Variants in LAMTOR5 observed in about 807,000 individuals in gnomAD.
LAMTOR5 encodes the protein late endosomal/lysosomal adaptor, MAPK and MTOR activator 5.
LAMTOR5 carries 8 observed loss-of-function variants against 12.1 expected under a neutral mutation model. That is an observed-to-expected ratio of 0.66 (90% CI 0.39 to 1.19). The LOEUF (loss-of-function observed/expected upper bound fraction) is 1.19. LAMTOR5 is among the 50% of genes most tolerant of loss of function. The probability of loss-of-function intolerance (pLI) is 0.01; values close to 1 mark genes in which losing one functional copy is unlikely to be tolerated. For missense variants in LAMTOR5, 110 were observed against 112.8 expected (o/e 0.97, Z 0.11); for synonymous variants, 37 against 41.9 (o/e 0.88, Z 0.45).
At chr1:110,407,100 C>T in intron 1 of LAMTOR5, 1 of 663,552 alleles carries the variant, frequency 1.5e-6, no homozygotes, top group Non-Finnish European at 2.7e-6. Flanking sequence ...ACCCTTTACA[C>T]TTTTCCAGTT....
rs374808218 is a variant in LAMTOR5 at position 110,405,673 on chromosome 1, A to G, written c.97+645T>C. The stretch of plus-strand genomic sequence containing the variant: ...ACCTCACTGGGTTGTTATGAGGAAT[A>G]AAAGAGTATATGTAAAGCACTTACA... On this transcript the variant is annotated intron_variant, in intron 2 of 3. Transcript: ENST00000602318. Among the ~76,000 whole-genome samples, 29 of 152,298 alleles carry G rather than the reference A, an allele frequency of 1.9e-4. No homozygotes were observed. In the East Asian group the frequency reaches 4.8e-3, roughly 25 times the overall value.
At chr1:110,403,781 C>A in intron 3 of LAMTOR5, 138 bp downstream of exon 3, 1 of 1,349,260 alleles carries the variant, frequency 7.4e-7, no homozygotes, top group East Asian at 2.5e-5. Flanking sequence ...CTTGTCTGTT[C>A]CTGTGATTCA....
In LAMTOR5 at chr1:110,407,631, G is replaced by A. The variant is rs1663362782; in HGVS notation, c.-11C>T. 12 of 1,613,998 alleles carry A rather than the reference G, an allele frequency of 7.4e-6. No homozygotes were observed. The highest frequency in any genetic ancestry group is 1.3e-5 in the African/African-American group (1 of 74,902). On this transcript the variant is annotated 5_prime_UTR_variant, in exon 1 of 4. Transcript: ENST00000602318. ...CAAGGTCGCCTCCATCCCACCCACCGACCACTCCGGCTCAGAACCCAGCGG... is the reference window on the plus strand; with the variant it reads ...CAAGGTCGCCTCCATCCCACCCACCAACCACTCCGGCTCAGAACCCAGCGG...
At position 110,407,640 on chromosome 1, in the gene LAMTOR5, G is replaced by C. The variant is rs756993252; in HGVS notation, c.-20C>G. The C allele has an allele frequency of 2.5e-6, 4 of 1,614,212 alleles. No individual in the cohort carries two copies. The highest frequency in any genetic ancestry group is 2.5e-6 in the Non-Finnish European group (3 of 1,180,034). On this transcript the variant is annotated 5_prime_UTR_variant, in exon 1 of 4. Transcript: ENST00000602318. ...CTCCATCCCACCCACCGACCACTCC[G>C]GCTCAGAACCCAGCGGCACGGCACG... is the stretch of plus-strand genomic sequence containing the variant.
chr1:110,406,330 G>C lies in LAMTOR5; in HGVS notation c.85C>G (p.Leu29Val). The part of the protein sequence containing the change: ...VGVLCTDSQG[L>V]NLGCRGTLSD... ...GAGAGATACTTACAACCCAGATTAA[G>C]TCCTTGTGAATCTGTGCACAGGACT... The change falls in exon 2 of 4, where the codon CTT becomes GTT. Residue 29 changes from leucine (L) to valine (V), a missense_variant. Leu to Val is a conservative substitution (Grantham distance 32). Coordinates refer to ENST00000602318, the MANE Select transcript of LAMTOR5 (RefSeq NM_001382293.1). The C allele has an allele frequency of 1.2e-6, 2 of 1,606,622 alleles. No individual in the cohort carries two copies. Among genetic ancestry groups the C allele is most frequent in the Non-Finnish European group, 1.7e-6 (2 of 1,176,006 alleles).
chr1:110,401,340 A>C lies in LAMTOR5; in HGVS notation c.*183T>G. 1 of 480,758 alleles carries C rather than the reference A, an allele frequency of 2.1e-6. No individual in the cohort carries two copies. Among genetic ancestry groups the C allele is most frequent in the Non-Finnish European group, 3.6e-6 (1 of 276,562 alleles). 29.8% of individuals were successfully genotyped at this position (480,758 alleles called of 1,614,324 possible). On this transcript the variant is annotated 3_prime_UTR_variant, in exon 4 of 4. Coordinates refer to ENST00000602318, the MANE Select transcript of LAMTOR5 (RefSeq NM_001382293.1). Reference sequence around the variant, plus strand: ...CTGCTTCAAAACATGATCCTTTCTTACTAATATCTTGATAGTCGGTCCATA... The same window carrying C: ...CTGCTTCAAAACATGATCCTTTCTTCCTAATATCTTGATAGTCGGTCCATA...
chr1:110,404,460 T>G (rs1444690746), intron 2 of LAMTOR5, among the ~76,000 whole-genome samples: 1 of 152,216 alleles, frequency 6.6e-6, no homozygotes, highest in Non-Finnish European at 1.5e-5. Flanking sequence ...TTAGTAAGCC[T>G]AGCAAATGCT....
chr1:110,403,760 T>G, intron 3 of LAMTOR5, 159 bp downstream of exon 3: 2 of 1,124,868 alleles, frequency 1.8e-6, no homozygotes, highest in Non-Finnish European at 1.2e-6. Flanking sequence ...CACATTAGCT[T>G]TAGGGATCAA....
At chr1:110,407,176 C>T in intron 1 of LAMTOR5, 1 of 599,490 alleles carries the variant, frequency 1.7e-6, no homozygotes, top group Admixed American at 2.7e-5. Flanking sequence ...ACTTAAGCAC[C>T]AAGTAACTGA....
At chr1:110,407,829 G>A (rs1557925409), upstream of LAMTOR5, 1 of 1,613,956 alleles carries the variant, frequency 6.2e-7, no homozygotes, top group East Asian at 2.2e-5. Flanking sequence ...TGGGCTCCCC[G>A]CGCGGTGACC....
Position 110,407,675 on chromosome 1 carries a change from A to G in LAMTOR5, c.-55T>C. ...CCAGCGGCACGGCACGTCCTTCTCC[A>G]CCACAGGCCTCAGTCACTTGACGCG... On this transcript the variant is annotated 5_prime_UTR_variant, in exon 1 of 4. Transcript: ENST00000602318. The G allele has an allele frequency of 1.9e-6, 3 of 1,614,088 alleles. No homozygotes were observed. Among genetic ancestry groups the G allele is most frequent in the East Asian group, 2.2e-5 (1 of 44,872 alleles).
intron 2 of LAMTOR5, among the ~76,000 whole-genome samples, chr1:110,405,326 A>C (rs991292377): frequency 4.0e-5 from 6 of 151,544 alleles, no homozygotes; most frequent in Non-Finnish European, 8.8e-5. Flanking sequence ...ATGCCTGGCT[A>C]ATTTTTTTTT....
At position 110,406,305 on chromosome 1, in the gene LAMTOR5, G is replaced by A; in HGVS notation, c.97+13C>T. ...ATGCAATTCATCAAATAGTTGGTAT[G>A]AGAGATACTTACAACCCAGATTAAG... is the stretch of plus-strand genomic sequence containing the variant. On this transcript the variant is annotated intron_variant, in intron 2 of 3. Transcript: ENST00000602318. 1 of 1,573,752 alleles carries A rather than the reference G, an allele frequency of 6.4e-7. No homozygotes were observed. Among genetic ancestry groups the A allele is most frequent in the Non-Finnish European group, 8.7e-7 (1 of 1,150,834 alleles).
At chr1:110,404,555 C>G (rs1271481643) in intron 2 of LAMTOR5, among the ~76,000 whole-genome samples, 1 of 152,168 alleles carries the variant, frequency 6.6e-6, no homozygotes, top group Non-Finnish European at 1.5e-5. Flanking sequence ...TTTCAGTTAC[C>G]CTTCCAGCAA....
intron 3 of LAMTOR5, among the ~76,000 whole-genome samples, chr1:110,401,808 A>G (rs1232746609): frequency 1.3e-5 from 2 of 152,182 alleles, no homozygotes; most frequent in African/African-American, 2.4e-5. Context: ...ACCACTGTTA[A>G]TATTTCCCTG....
At chr1:110,402,968 T>C (rs1300435749) in intron 3 of LAMTOR5, among the ~76,000 whole-genome samples, 3 of 152,196 alleles carry the variant, frequency 2.0e-5, no homozygotes, top group African/African-American at 7.2e-5. Flanking sequence ...TTTTAAAAAA[T>C]TTCCCTATAC....
chr1:110,403,436 T>C (rs1454304968), intron 3 of LAMTOR5, among the ~76,000 whole-genome samples: 1 of 151,740 alleles, frequency 6.6e-6, no homozygotes, highest in Admixed American at 6.6e-5. Flanking sequence ...TGGTGAAACC[T>C]CATCTCTACA....
In LAMTOR5 at chr1:110,407,642, C is replaced by T; in HGVS notation, c.-22G>A. On this transcript the variant is annotated 5_prime_UTR_variant, in exon 1 of 4. Transcript: ENST00000602318. ...CCATCCCACCCACCGACCACTCCGG[C>T]TCAGAACCCAGCGGCACGGCACGTC... 2 of 1,614,230 alleles carry T rather than the reference C, an allele frequency of 1.2e-6. No homozygotes were observed. The highest frequency in any genetic ancestry group is 2.2e-5 in the South Asian group (2 of 91,086).
chr1:110,407,608 A>G lies in LAMTOR5; in HGVS notation c.13T>C (p.Leu5=), dbSNP rs1663362075. 6.2e-7 allele frequency: 1 copy of G among 1,613,996 alleles called. No individual in the cohort carries two copies. Among genetic ancestry groups the G allele is most frequent in the African/African-American group, 1.3e-5 (1 of 74,914 alleles). The change falls in exon 1 of 4, where the codon TTG becomes CTG. Residue 5 remains leucine (L), a synonymous_variant. Coordinates refer to ENST00000602318, the MANE Select transcript of LAMTOR5 (RefSeq NM_001382293.1). MEAT[L]EQHLEDTMKN... ...CACGTGTCTTCCAAGTGCTGCTCCAAGGTCGCCTCCATCCCACCCACCGAC... is the reference window on the plus strand; with the variant it reads ...CACGTGTCTTCCAAGTGCTGCTCCAGGGTCGCCTCCATCCCACCCACCGAC...
Sources: gnomAD v4.1 joint callset for allele counts (sites outside exome capture counted in the v4.1 genomes callset) on GRCh38, gnomAD v4.1.1 for gene constraint, MANE v1.5 for transcripts, NCBI Gene and HGNC (gene_info 2026-07-23, HGNC 2026-07-21) for gene names.